CREB5: variants seen among roughly 807,000 people sequenced by gnomAD.
CREB5 encodes the protein cyclic AMP-responsive element-binding protein 5.
Under a neutral mutation model 57.1 loss-of-function variants are expected in CREB5, and 19 were observed. That is an observed-to-expected ratio of 0.33 (90% CI 0.23 to 0.49). The LOEUF (loss-of-function observed/expected upper bound fraction) is 0.49, where lower values mean the gene tolerates loss of function less well. Ranked by LOEUF, CREB5 falls within the 20% of genes least tolerant of loss-of-function variation. The pLI is 0.99. For missense variants in CREB5, 579 were observed against 671.6 expected (o/e 0.86, Z 1.52); for synonymous variants, 238 against 238.3 (o/e 1.00, Z 0.01).
intron 5 of CREB5, among the ~76,000 whole-genome samples, chr7:28,624,676 GAAAAAAAA>G (rs56161206): frequency 7.7e-6 from 1 of 130,154 alleles, no homozygotes; most frequent in Non-Finnish European, 1.6e-5. Flanking sequence ...CAACAGACGT[GAAAAAAAA>G]AAAAAAAAAC....
At chr7:28,472,080 T>G (rs186297853) in intron 1 of CREB5, among the ~76,000 whole-genome samples, 151 of 151,780 alleles carry the variant, frequency 9.9e-4, no homozygotes, top group Non-Finnish European at 1.8e-3. Flanking sequence ...AAATTTTATT[T>G]GACATGCTTT....
At chr7:28,785,769 A>T (rs1807288070) in intron 7 of CREB5, among the ~76,000 whole-genome samples, 1 of 152,190 alleles carries the variant, frequency 6.6e-6, no homozygotes, top group Admixed American at 6.5e-5. Context: ...AATTAAAGTA[A>T]TTCTGAACCA....
intron 7 of CREB5, among the ~76,000 whole-genome samples, chr7:28,759,589 C>A (rs960369776): frequency 1.5e-4 from 23 of 152,178 alleles, no homozygotes; most frequent in African/African-American, 4.8e-4. Context: ...GCTTAGTTTT[C>A]TTTATTTCCT....
At chr7:28,498,334 G>T (rs138261973) in intron 3 of CREB5, among the ~76,000 whole-genome samples, 300 of 152,166 alleles carry the variant, frequency 2.0e-3, no homozygotes, top group Non-Finnish European at 3.2e-3. Flanking sequence ...ATGAGTTGAG[G>T]CTCATCATAT....
chr7:28,316,223 G>A (rs1218127425), intron 1 of CREB5, among the ~76,000 whole-genome samples: 1 of 152,108 alleles, frequency 6.6e-6, no homozygotes, highest in African/African-American at 2.4e-5. Flanking sequence ...TTGGGCTGGG[G>A]GTGGAGGGTG....
intron 7 of CREB5, among the ~76,000 whole-genome samples, chr7:28,764,689 C>T (rs1805860765): frequency 6.6e-6 from 1 of 152,180 alleles, no homozygotes; most frequent in Non-Finnish European, 1.5e-5. Flanking sequence ...AATAAATGCT[C>T]CTCTCCATGG....
intron 5 of CREB5, among the ~76,000 whole-genome samples, chr7:28,576,096 C>T (rs1453357806): frequency 6.6e-6 from 1 of 152,190 alleles, no homozygotes; most frequent in Admixed American, 6.5e-5. Flanking sequence ...GTCCTTGCCT[C>T]TGATTCTTCA....
intron 1 of CREB5, among the ~76,000 whole-genome samples, chr7:28,450,984 C>T (rs1789769245): frequency 6.6e-6 from 1 of 152,108 alleles, no homozygotes. Context: ...GAACCTGGCT[C>T]TTTGTGCCTC....
intron 5 of CREB5, among the ~76,000 whole-genome samples, chr7:28,572,534 A>C (rs1795744220): frequency 6.6e-6 from 1 of 152,216 alleles, no homozygotes; most frequent in South Asian, 2.1e-4. Flanking sequence ...TCAAGGGGAA[A>C]AAACATAAAA....
chr7:28,340,814 A>G (rs916264877), intron 1 of CREB5, among the ~76,000 whole-genome samples: 2 of 152,158 alleles, frequency 1.3e-5, no homozygotes, highest in Admixed American at 6.6e-5. Flanking sequence ...AGTTCTGACC[A>G]CTGGGATGGG....
chr7:28,464,453 C>A (rs1028749853), intron 1 of CREB5, among the ~76,000 whole-genome samples: 5 of 150,564 alleles, frequency 3.3e-5, no homozygotes, highest in Non-Finnish European at 4.4e-5. Context: ...TAGAATTTAG[C>A]AGTGAAGCCA....
chr7:28,556,478 G>A (rs1794883846), intron 4 of CREB5, among the ~76,000 whole-genome samples: 1 of 152,236 alleles, frequency 6.6e-6, no homozygotes, highest in Non-Finnish European at 1.5e-5. Flanking sequence ...GCCCAATCAT[G>A]ATTTTTTAGG....
intron 7 of CREB5, among the ~76,000 whole-genome samples, chr7:28,766,093 A>T (rs1296311575): frequency 6.6e-6 from 1 of 151,928 alleles, no homozygotes; most frequent in African/African-American, 2.4e-5. Flanking sequence ...AACTAAAAAA[A>T]AAATGAGATA....
At chr7:28,793,707 C>T (rs925875082) in intron 7 of CREB5, among the ~76,000 whole-genome samples, 10 of 152,176 alleles carry the variant, frequency 6.6e-5, no homozygotes, top group African/African-American at 1.7e-4. Context: ...GATGTGGCAG[C>T]GACTGGCTGT....
At chr7:28,396,423 C>T (rs1787335858) in intron 1 of CREB5, among the ~76,000 whole-genome samples, 1 of 152,088 alleles carries the variant, frequency 6.6e-6, no homozygotes, top group Admixed American at 6.6e-5. Flanking sequence ...ATAAAATATA[C>T]AACTAGCTGG....
At chr7:28,423,863 C>T (rs1382548775) in intron 1 of CREB5, among the ~76,000 whole-genome samples, 1 of 152,196 alleles carries the variant, frequency 6.6e-6, no homozygotes, top group East Asian at 1.9e-4. Context: ...CCAGGGCGAC[C>T]ACATCTCTGG....
At chr7:28,588,924 G>A (rs1796394995) in intron 5 of CREB5, among the ~76,000 whole-genome samples, 1 of 152,168 alleles carries the variant, frequency 6.6e-6, no homozygotes, top group Admixed American at 6.5e-5. Context: ...ATTGGCCAGT[G>A]CTGGCTTTCT....
chr7:28,691,285 T>C (rs1169986849), intron 5 of CREB5, among the ~76,000 whole-genome samples: 1 of 151,916 alleles, frequency 6.6e-6, no homozygotes, highest in Non-Finnish European at 1.5e-5. Context: ...CCGGGTGTGG[T>C]GGCGGGTGCC....
Position 28,374,326 on chromosome 7 carries a change from C to T in CREB5, c.-25+74885C>T, listed in dbSNP as rs184042116. Among the ~76,000 whole-genome samples the T allele has an allele frequency of 5.9e-4, 90 of 152,272 alleles. No individual in the cohort carries two copies. In the South Asian group the frequency reaches 6.0e-3, roughly 10 times the overall value. On this transcript the variant is annotated intron_variant, in intron 1 of 9. Coordinates refer to the CREB5 transcript ENST00000396299. ...GCTGTTTCTCCAAAAATTAAACATA[C>T]ATTTACAGTATGACCTAGCAACTTC...
Sources: gnomAD v4.1 joint callset for allele counts (sites outside exome capture counted in the v4.1 genomes callset) on GRCh38, gnomAD v4.1.1 for gene constraint, MANE v1.5 for transcripts, NCBI Gene and HGNC (gene_info 2026-07-23, HGNC 2026-07-21) for gene names.